Variants in PCSK6 observed in about 807,000 individuals in gnomAD.
The protein encoded by PCSK6 is proprotein convertase subtilisin/kexin type 6.
PCSK6 carries 85 observed loss-of-function variants against 123.3 expected under a neutral mutation model. The observed-to-expected ratio is 0.69, with a 90% confidence interval of 0.58 to 0.83. The LOEUF (loss-of-function observed/expected upper bound fraction) is 0.83. PCSK6 is among the 40% of genes least tolerant of loss of function. PCSK6 has a pLI of 0.00. For synonymous variants in PCSK6, 508 were observed against 516.0 expected (o/e 0.98, Z 0.21); for missense variants, 1,191 against 1,282.3 (o/e 0.93, Z 1.09).
At chr15:101,336,251 C>T (rs1473755075) in intron 13 of PCSK6, among the ~76,000 whole-genome samples, 1 of 152,200 alleles carries the variant, frequency 6.6e-6, no homozygotes, top group Non-Finnish European at 1.5e-5. Flanking sequence ...ATAATAACGT[C>T]TCCGAATGTC....
chr15:101,471,441 T>A (rs200591391), intron 1 of PCSK6, among the ~76,000 whole-genome samples: 2 of 152,234 alleles, frequency 1.3e-5, no homozygotes, highest in South Asian at 4.1e-4. Context: ...CATATGCCCA[T>A]TACCTTGATT....
chr15:101,434,095 C>G (rs2056527000), intron 2 of PCSK6, among the ~76,000 whole-genome samples: 1 of 152,234 alleles, frequency 6.6e-6, no homozygotes, highest in Non-Finnish European at 1.5e-5. Flanking sequence ...GTTCCTAACA[C>G]CGGCTGATGG....
At position 101,305,010 on chromosome 15, in the gene PCSK6, T is replaced by C; in HGVS notation, c.*248A>G. On this transcript the variant is annotated 3_prime_UTR_variant, in exon 22 of 22. Transcript: ENST00000611716. This position sits in a 1 kb window ranked among gnomAD's most constrained non-coding sequence, Gnocchi z 4.8. Reference sequence around the variant, plus strand: ...GAGCTGTGGATTCCCAGAATTCATTTTGTTCCTGTTAGTTTGTCGGAAGAC... The same window carrying C: ...GAGCTGTGGATTCCCAGAATTCATTCTGTTCCTGTTAGTTTGTCGGAAGAC... 2.0e-6 allele frequency: 1 copy of C among 489,002 alleles called. No homozygotes were observed. Among genetic ancestry groups the C allele is most frequent in the Non-Finnish European group, 3.7e-6 (1 of 273,506 alleles). 30.3% of individuals were successfully genotyped at this position (489,002 alleles called of 1,614,324 possible).
intron 1 of PCSK6, among the ~76,000 whole-genome samples, chr15:101,460,301 G>T (rs2057312212): frequency 6.6e-6 from 1 of 152,000 alleles, no homozygotes. Flanking sequence ...CTGCCCTCTG[G>T]CCCTCTTTCG....
At chr15:101,476,718 T>A (rs894811388) in intron 1 of PCSK6, among the ~76,000 whole-genome samples, 3 of 152,122 alleles carry the variant, frequency 2.0e-5, no homozygotes, top group African/African-American at 7.2e-5. Context: ...AGGAAGGAGA[T>A]TTTGGATTTT....
intron 1 of PCSK6, among the ~76,000 whole-genome samples, chr15:101,482,158 CAGT>C (rs1448690853): frequency 6.6e-6 from 1 of 152,258 alleles, no homozygotes; most frequent in Non-Finnish European, 1.5e-5. Flanking sequence ...GAGGTGACAG[CAGT>C]AGAAGGTGAG....
chr15:101,326,646 C>A (rs531101748), intron 15 of PCSK6, among the ~76,000 whole-genome samples, 167 bp from the exon 16 acceptor site: 1 of 152,210 alleles, frequency 6.6e-6, no homozygotes, highest in Non-Finnish European at 1.5e-5. Context: ...GCCGTCCCTG[C>A]GGGTAACAGG....
chr15:101,383,022 T>C (rs1347496707), intron 10 of PCSK6, among the ~76,000 whole-genome samples: 3 of 152,146 alleles, frequency 2.0e-5, no homozygotes, highest in Non-Finnish European at 4.4e-5. Flanking sequence ...TCAAATTAGT[T>C]AGACCTGAGC....
At position 101,390,372 on chromosome 15, in the gene PCSK6, C is replaced by T. The variant is rs997690094; in HGVS notation, c.1210-808G>A. 2.0e-5 allele frequency among the ~76,000 whole-genome samples: 3 copies of T among 152,224 alleles called. 1 individual carries two copies. The highest frequency in any genetic ancestry group is 7.2e-5 in the African/African-American group (3 of 41,460). On this transcript the variant is annotated intron_variant, in intron 8 of 21. Coordinates refer to ENST00000611716, the MANE Select transcript of PCSK6 (RefSeq NM_002570.5). Reference sequence around the variant, plus strand: ...GATTGTCGCCCCATCATCTTTGTCCCCTGGTGTTATTCCAATGAGCTTTGC... The same window carrying T: ...GATTGTCGCCCCATCATCTTTGTCCTCTGGTGTTATTCCAATGAGCTTTGC...
intron 1 of PCSK6, among the ~76,000 whole-genome samples, chr15:101,455,685 A>G (rs563509851): frequency 3.2e-4 from 49 of 152,346 alleles, no homozygotes; most frequent in African/African-American, 1.2e-3. Flanking sequence ...ATCCAGCTGC[A>G]TCAATGCCCC....
At chr15:101,312,900 G>A (rs546324118) in intron 20 of PCSK6, 1 of 343,570 alleles carries the variant, frequency 2.9e-6, no homozygotes, top group South Asian at 7.2e-5. Context: ...AGCTACTCGG[G>A]AGGCTGAGGC....
chr15:101,405,994 C>T (rs1165294978), intron 6 of PCSK6, among the ~76,000 whole-genome samples: 2 of 152,192 alleles, frequency 1.3e-5, no homozygotes, highest in African/African-American at 2.4e-5. Flanking sequence ...CTGCCCACCT[C>T]GGCCTCCCAA....
intron 13 of PCSK6, among the ~76,000 whole-genome samples, chr15:101,352,860 T>G (rs573704267): frequency 6.6e-6 from 1 of 152,350 alleles, no homozygotes; most frequent in East Asian, 1.9e-4. Context: ...TGATACTGAA[T>G]CCTCCCATTC....
In PCSK6 at chr15:101,312,415, G is replaced by A. The variant is rs78441830; in HGVS notation, c.2699+961C>T. On this transcript the variant is annotated intron_variant, in intron 20 of 21. Transcript: ENST00000611716. ...ATGGTGACTCTGTGGAGGGACACAT[G>A]GGAGGAAGCACAAGAGGAGGATATG... is the stretch of plus-strand genomic sequence containing the variant. 8.9e-3 allele frequency: 1,329 copies of A among 149,870 alleles called. 36 individuals are homozygous for A. The highest frequency in any genetic ancestry group is 0.075 in the East Asian group (390 of 5,172). The allele number at this position is 149,870 out of a possible 1,614,324, so 9.3% of individuals were successfully genotyped here. A position where few individuals can be genotyped will look rare whatever the true frequency, so the allele number is the denominator to read the frequency against.
At chr15:101,325,321 A>G (rs987210522) in intron 16 of PCSK6, among the ~76,000 whole-genome samples, 5 of 152,118 alleles carry the variant, frequency 3.3e-5, no homozygotes, top group African/African-American at 1.2e-4. Context: ...TGAGGTTCGT[A>G]TTTGACTTTT....
At chr15:101,469,434 C>T (rs991142683) in intron 1 of PCSK6, among the ~76,000 whole-genome samples, 6 of 152,220 alleles carry the variant, frequency 3.9e-5, no homozygotes, top group African/African-American at 1.4e-4. Context: ...TCTACGCTGG[C>T]TCCAAGATGC....
intron 1 of PCSK6, among the ~76,000 whole-genome samples, chr15:101,446,759 TG>T (rs1358848143): frequency 2.6e-5 from 4 of 152,342 alleles, no homozygotes; most frequent in Non-Finnish European, 5.9e-5. Flanking sequence ...TCTCTAGGGC[TG>T]GGAAGTGGCG....
chr15:101,458,294 GC>G (rs1596355712), intron 1 of PCSK6, among the ~76,000 whole-genome samples: 1 of 152,304 alleles, frequency 6.6e-6, no homozygotes, highest in East Asian at 1.9e-4. Flanking sequence ...TGTTCGCTTT[GC>G]CCCAGTGGGT....
At chr15:101,360,141 C>G (rs1395480926) in intron 13 of PCSK6, among the ~76,000 whole-genome samples, 3 of 152,316 alleles carry the variant, frequency 2.0e-5, no homozygotes, top group Admixed American at 2.0e-4. Context: ...CTTTCAGAAT[C>G]TGACTGCTTC....
Sources: gnomAD v4.1 joint callset for allele counts (sites outside exome capture counted in the v4.1 genomes callset) on GRCh38, gnomAD v4.1.1 for gene constraint, Gnocchi (gnomAD v3.1) non-coding constraint, MANE v1.5 for transcripts, NCBI Gene and HGNC (gene_info 2026-07-23, HGNC 2026-07-21) for gene names.